COL27A1: variants seen among roughly 807,000 people sequenced by gnomAD.
The protein encoded by COL27A1 is collagen alpha-1(XXVII) chain.
In COL27A1, 106 loss-of-function variants were observed where a neutral mutation model predicts 251.3. The observed-to-expected ratio is 0.42, with a 90% CI of 0.36 to 0.50. The LOEUF (loss-of-function observed/expected upper bound fraction) is 0.50. COL27A1 is among the 20% of genes least tolerant of loss of function. The pLI, the probability that COL27A1 is intolerant of heterozygous loss-of-function variation, is 0.00. For missense variants in COL27A1, 2,325 were observed against 2,522.8 expected, an observed-to-expected ratio of 0.92 and a Z score of 1.68; for synonymous variants, 1,000 against 986.3, an observed-to-expected ratio of 1.01 and a Z score of -0.26.
chr9:114,178,415 C>T, intron 4 of COL27A1, 71 bp downstream of exon 4: 1 of 1,395,274 alleles, frequency 7.2e-7, no homozygotes, highest in Non-Finnish European at 1.0e-6. Flanking sequence ...CCCCTGAGGT[C>T]TCGGGTTTGC....
intron 28 of COL27A1, among the ~76,000 whole-genome samples, chr9:114,262,296 G>A (rs1424501118): frequency 6.6e-6 from 1 of 152,218 alleles, no homozygotes; most frequent in East Asian, 1.9e-4. Context: ...GGGGCTTTTC[G>A]GGGTCACACA....
chr9:114,298,134 TAAAA>T (rs35546102), intron 49 of COL27A1, among the ~76,000 whole-genome samples: 1 of 141,108 alleles, frequency 7.1e-6, no homozygotes. Flanking sequence ...GACCCCATCT[TAAAA>T]AAAAAAAAAA....
At chr9:114,257,500 C>T (rs976649501) in intron 27 of COL27A1, among the ~76,000 whole-genome samples, 2 of 152,132 alleles carry the variant, frequency 1.3e-5, no homozygotes, top group African/African-American at 4.8e-5. Flanking sequence ...GTCTGTCGTG[C>T]ACCTGTGCCA....
intron 14 of COL27A1, among the ~76,000 whole-genome samples, chr9:114,230,265 G>A (rs541266652): frequency 1.3e-5 from 2 of 152,240 alleles, no homozygotes; most frequent in South Asian, 4.1e-4. Context: ...ATGCCCCTGG[G>A]GAGAGAGACA....
Position 114,219,711 on chromosome 9 carries a change from C to T in COL27A1, c.2368-80C>T. The T allele has an allele frequency of 3.0e-6, 3 of 989,510 alleles. No homozygotes were observed. In the South Asian group the frequency reaches 3.9e-5, roughly 13 times the overall value. The allele number at this position is 989,510 out of a possible 1,614,324, so 61.3% of individuals were successfully genotyped here. A position where few individuals can be genotyped will look rare whatever the true frequency, so the allele number is the denominator to read the frequency against. The stretch of plus-strand genomic sequence containing the variant: ...TGCTTGGACATTGTCCTTGTGTCCC[C>T]CCTGGGGGTCTGGATCAAAGCCCAC... On this transcript the variant is annotated intron_variant, in intron 12 of 60. Coordinates refer to ENST00000356083, the MANE Select transcript of COL27A1 (RefSeq NM_032888.4).
rs759166030 is a variant in COL27A1, at chr9:114,300,701, C to T, written c.4701+14C>T. On this transcript the variant is annotated intron_variant, in intron 51 of 60. Coordinates refer to ENST00000356083, the MANE Select transcript of COL27A1 (RefSeq NM_032888.4). ...CCTGGCTTGATGGTGAGTTCCCTCC[C>T]TGCTGTCGGAGCAGAGATGATTGTC... 28 of 1,494,606 alleles carry T rather than the reference C, an allele frequency of 1.9e-5. No individual in the cohort carries two copies. The highest frequency in any genetic ancestry group is 2.4e-5 in the Non-Finnish European group (27 of 1,123,654). 92.6% of individuals were successfully genotyped at this position (1,494,606 alleles called of 1,614,324 possible). A position where few individuals can be genotyped will look rare whatever the true frequency, so the allele number is the denominator to read the frequency against.
intron 12 of COL27A1, among the ~76,000 whole-genome samples, chr9:114,215,345 A>C (rs538246907): frequency 2.6e-5 from 4 of 152,340 alleles, no homozygotes; most frequent in African/African-American, 9.6e-5. Flanking sequence ...AGGCCAAAGC[A>C]GATTAAGGTT....
intron 15 of COL27A1, among the ~76,000 whole-genome samples, chr9:114,231,450 G>C (rs1159898157): frequency 6.6e-6 from 1 of 152,202 alleles, no homozygotes; most frequent in Admixed American, 6.5e-5. Context: ...TGGCAAACCA[G>C]TGAACTCAGC....
At position 114,269,223 on chromosome 9, in the gene COL27A1, T is replaced by C. The variant is rs1340276838; in HGVS notation, c.3502-18T>C. 6.3e-6 allele frequency: 10 copies of C among 1,575,526 alleles called. No homozygotes were observed. The highest frequency in any genetic ancestry group is 5.5e-5 in the African/African-American group (4 of 73,222). ...TGGCCCTACCCACCCGCAAGGACTT[T>C]TGTTCGGCTTCTCCTAGGGTGACCT... On this transcript the variant is annotated intron_variant, in intron 34 of 60. Coordinates refer to ENST00000356083, the MANE Select transcript of COL27A1 (RefSeq NM_032888.4).
At chr9:114,200,297 C>A (rs1185746573) in intron 7 of COL27A1, among the ~76,000 whole-genome samples, 1 of 152,338 alleles carries the variant, frequency 6.6e-6, no homozygotes, top group African/African-American at 2.4e-5. Context: ...CTGCTCCTCC[C>A]CCAAGCCTCA....
Position 114,168,478 on chromosome 9 carries a change from C to T in COL27A1, c.923C>T (p.Pro308Leu), listed in dbSNP as rs767257782. 1 of 1,614,042 alleles carries T rather than the reference C, an allele frequency of 6.2e-7. No homozygotes were observed. The part of the protein sequence containing the change: ...TKPQRTSPTN[P>L]HQHMAVGGPA... ...CCCCAAAGGACTAGCCCCACAAACC[C>T]TCACCAGCATATGGCGGTGGGAGGC... The change falls in exon 3 of 61, where the codon CCT becomes CTT. Residue 308 changes from proline to leucine, a missense_variant. Around this residue, in one of 4 missense-constraint regions of COL27A1, gnomAD observed 1,183 missense variants for 1,144.1 expected, o/e 1.03. Coordinates refer to ENST00000356083, the MANE Select transcript of COL27A1 (RefSeq NM_032888.4).
intron 2 of COL27A1, among the ~76,000 whole-genome samples, chr9:114,165,844 A>ATCCT (rs748161533): frequency 4.0e-4 from 60 of 150,754 alleles, no homozygotes; most frequent in Non-Finnish European, 7.1e-4. Context: ...CCATCCATCC[A>ATCCT]TCCATCCATC....
At chr9:114,241,851 G>A (rs1832777352) in intron 21 of COL27A1, among the ~76,000 whole-genome samples, 1 of 152,238 alleles carries the variant, frequency 6.6e-6, no homozygotes, top group Admixed American at 6.5e-5. Flanking sequence ...GTCTGCCAGT[G>A]AGCAAATGGC....
intron 41 of COL27A1, among the ~76,000 whole-genome samples, chr9:114,285,214 G>A (rs1261643632): frequency 1.3e-5 from 2 of 152,162 alleles, no homozygotes; most frequent in Non-Finnish European, 2.9e-5. Flanking sequence ...GAACCCCAGT[G>A]GTTAGTGGTC....
At chr9:114,156,362 G>A (rs1204278495) in intron 1 of COL27A1, among the ~76,000 whole-genome samples, 1 of 151,758 alleles carries the variant, frequency 6.6e-6, no homozygotes, top group Non-Finnish European at 1.5e-5. Context: ...GGGGGTCTCC[G>A]TTTGGGGCCG....
chr9:114,173,313 G>A (rs1849454942), intron 3 of COL27A1, among the ~76,000 whole-genome samples: 1 of 152,224 alleles, frequency 6.6e-6, no homozygotes, highest in Non-Finnish European at 1.5e-5. Context: ...CGCCGCTAAG[G>A]GCCTGGCCCA....
chr9:114,182,929 G>T, intron 4 of COL27A1, 93 bp from the exon 5 acceptor site: 1 of 1,073,240 alleles, frequency 9.3e-7, no homozygotes, highest in Non-Finnish European at 1.4e-6. Flanking sequence ...ATAAACCAGT[G>T]GGTGGAGGGA....
At chr9:114,298,242 AAGACTTTGTGTGGT>A (rs1254157667) in intron 49 of COL27A1, among the ~76,000 whole-genome samples, 6 of 152,198 alleles carry the variant, frequency 3.9e-5, no homozygotes, top group Non-Finnish European at 7.3e-5. Context: ...CATAGGTCAG[AAGACTTTGTGTGGT>A]TAAGATGGCT....
chr9:114,241,254 C>T (rs993311490), intron 21 of COL27A1, among the ~76,000 whole-genome samples: 1 of 152,246 alleles, frequency 6.6e-6, no homozygotes, highest in Non-Finnish European at 1.5e-5. Flanking sequence ...GCCAGGCCCC[C>T]GTGACACACA....
Sources: allele counts gnomAD v4.1 joint callset (sites outside exome capture counted in the v4.1 genomes callset), GRCh38; gene constraint gnomAD v4.1.1; regional missense constraint gnomAD v4.1.1; transcripts MANE v1.5; gene names NCBI Gene and HGNC (gene_info 2026-07-23, HGNC 2026-07-21).